PISD: variants seen among roughly 807,000 people sequenced by gnomAD.
PISD encodes phosphatidylserine decarboxylase.
A neutral mutation model predicts 43.5 loss-of-function variants in PISD; 31 were observed. The ratio of observed to expected loss-of-function variants is 0.71; its 90% confidence interval spans 0.54 to 0.96. The LOEUF (loss-of-function observed/expected upper bound fraction) is 0.96. Among genes scored for constraint, PISD ranks in the 40% least tolerant of loss-of-function variants. The pLI, the probability that PISD is intolerant of heterozygous loss-of-function variation, is 0.00. For missense variants in PISD, 523 were observed against 548.4 expected, an observed-to-expected ratio of 0.95 and a Z score of 0.46; for synonymous variants, 259 against 228.7, an observed-to-expected ratio of 1.13 and a Z score of -1.20.
chr22:31,629,364 T>A, intron 3 of PISD: 1 of 233,630 alleles, frequency 4.3e-6, no homozygotes, highest in Non-Finnish European at 6.8e-6. Flanking sequence ...AGGGTGTGTG[T>A]AGGGGGTGTG....
At chr22:31,649,673 C>A (rs2073982648) in intron 2 of PISD, among the ~76,000 whole-genome samples, 1 of 152,066 alleles carries the variant, frequency 6.6e-6, no homozygotes, top group African/African-American at 2.4e-5. Flanking sequence ...GCGGAGCTTG[C>A]AGTGAGCCGA....
At chr22:31,662,314 G>A (rs1373230030), upstream of PISD, 5 of 1,201,618 alleles carry the variant, frequency 4.2e-6, no homozygotes, top group Admixed American at 6.8e-5. Flanking sequence ...AGCGCGGGTT[G>A]GGGGCGGAGC....
chr22:31,643,509 G>C (rs2073796868), intron 3 of PISD, among the ~76,000 whole-genome samples: 1 of 152,164 alleles, frequency 6.6e-6, no homozygotes, highest in Non-Finnish European at 1.5e-5. Flanking sequence ...TAAGGTGAAA[G>C]AAACATGTGA....
rs2073129026 is a variant in PISD, at chr22:31,630,133, G to A, written c.322-8248C>T. The A allele has an allele frequency of 6.6e-6, 1 of 152,170 alleles. No individual in the cohort carries two copies. The highest frequency in any genetic ancestry group is 1.5e-5 in the Non-Finnish European group (1 of 68,078). The allele number at this position is 152,170 out of a possible 1,614,324, so 9.4% of individuals were successfully genotyped here. ...AGGCAAACTTCCCAAGTAGGAGACGGGGAAAATGGTCCTCCCTGGGCGACA... is the reference window on the plus strand; with the variant it reads ...AGGCAAACTTCCCAAGTAGGAGACGAGGAAAATGGTCCTCCCTGGGCGACA... On this transcript the variant is annotated intron_variant, in intron 3 of 7. Coordinates refer to ENST00000439502, the MANE Select transcript of PISD (RefSeq NM_001326411.2). This position sits in a 1 kb window ranked among gnomAD's most constrained non-coding sequence, Gnocchi z 4.4.
intron 3 of PISD, chr22:31,625,954 G>A (rs1016478858): frequency 1.3e-6 from 2 of 1,485,408 alleles, no homozygotes; most frequent in East Asian, 5.0e-5. Flanking sequence ...CTGGTTGGTG[G>A]CGCCGCTTCC....
chr22:31,627,271 G>A (rs1205519695), intron 3 of PISD, among the ~76,000 whole-genome samples: 2 of 152,214 alleles, frequency 1.3e-5, no homozygotes, highest in East Asian at 1.9e-4. Context: ...GCAGGAGGGC[G>A]CCTACCCACC....
chr22:31,620,809 C>T (rs757802230), intron 6 of PISD, 96 bp from the exon 7 acceptor site: 322 of 1,494,636 alleles, frequency 2.2e-4, no homozygotes, highest in Non-Finnish European at 2.8e-4. Context: ...CCTGTTGCCC[C>T]GATGTCACTC....
intron 3 of PISD, among the ~76,000 whole-genome samples, chr22:31,623,482 C>T (rs991097266): frequency 2.0e-5 from 3 of 152,236 alleles, no homozygotes; most frequent in Admixed American, 6.5e-5. Flanking sequence ...CATGCCCTCG[C>T]AGTCACCCGC....
At chr22:31,660,803 G>C (rs2074294719) in intron 1 of PISD, among the ~76,000 whole-genome samples, 1 of 152,072 alleles carries the variant, frequency 6.6e-6, no homozygotes, top group Non-Finnish European at 1.5e-5. Context: ...GCGCAGTCTT[G>C]GCTTATTGCA....
chr22:31,625,768 C>G lies in PISD; in HGVS notation c.322-3883G>C, dbSNP rs752608085. ...CGCGGTGGGCAGCATCTCACCATTT[C>G]GCCGCGCGGAGCTCTGGTCCTTGCC... On this transcript the variant is annotated intron_variant, in intron 3 of 7. Coordinates refer to ENST00000439502, the MANE Select transcript of PISD (RefSeq NM_001326411.2). 3.8e-6 allele frequency: 6 copies of G among 1,589,606 alleles called. No individual in the cohort carries two copies. Among genetic ancestry groups the G allele is most frequent in the African/African-American group, 1.3e-5 (1 of 74,582 alleles).
At chr22:31,660,619 C>T (rs1471742189) in intron 1 of PISD, among the ~76,000 whole-genome samples, 2 of 152,222 alleles carry the variant, frequency 1.3e-5, no homozygotes, top group East Asian at 3.8e-4. Flanking sequence ...CATCACACCA[C>T]TGCACTCCCT....
chr22:31,628,332 C>G (rs1245694637), intron 3 of PISD: 1 of 300,332 alleles, frequency 3.3e-6, no homozygotes, highest in African/African-American at 2.3e-5. Context: ...TGCCCTCTGC[C>G]TATGACAGCC....
chr22:31,651,743 C>T (rs539276490), intron 1 of PISD, among the ~76,000 whole-genome samples: 2 of 151,664 alleles, frequency 1.3e-5, no homozygotes, highest in East Asian at 1.9e-4. Context: ...AGCAAAACTC[C>T]GTCTCAAAAA....
chr22:31,627,517 CAG>C (rs149844315), intron 3 of PISD, among the ~76,000 whole-genome samples: 8,104 of 152,336 alleles, frequency 0.053, 264 homozygotes, highest in South Asian at 0.15. Flanking sequence ...GCCCAGGAAA[CAG>C]GGGTGATAGC....
intron 3 of PISD, among the ~76,000 whole-genome samples, chr22:31,640,592 T>C (rs865778792): frequency 0.014 from 1,941 of 142,532 alleles, 10 homozygotes; most frequent in South Asian, 0.026. Context: ...TTTTTTTTTT[T>C]TTTTTTGAGA....
At chr22:31,623,925 C>T in intron 3 of PISD, 2 of 1,391,056 alleles carry the variant, frequency 1.4e-6, no homozygotes, top group Non-Finnish European at 2.0e-6. Context: ...GCCACCTGCA[C>T]CCAGGGCAGG....
At chr22:31,637,162 AAAATATATAT>A (rs2073508779) in intron 3 of PISD, among the ~76,000 whole-genome samples, 16 of 15,462 alleles carry the variant, frequency 1.0e-3, no homozygotes, top group African/African-American at 5.6e-3. Flanking sequence ...AAAAAAAAAA[AAAATATATAT>A]ATATATATAT....
rs151145448 is a variant in PISD at position 31,641,590 on chromosome 22, A to G, written c.321+6511T>C. Among the ~76,000 whole-genome samples the G allele has an allele frequency of 9.7e-3, 1,437 of 147,500 alleles. 40 individuals carry two copies. The highest frequency in any genetic ancestry group is 0.036 in the African/African-American group (1,348 of 37,242). On this transcript the variant is annotated intron_variant, in intron 3 of 7. Coordinates refer to ENST00000439502, the MANE Select transcript of PISD (RefSeq NM_001326411.2). ...CCAGCTTTGGGAGGCTGAGGTGGGC[A>G]GATCACCTGAGGTCAAGAGTTCAAG...
chr22:31,657,545 T>C (rs919600747), intron 1 of PISD, among the ~76,000 whole-genome samples: 2 of 152,078 alleles, frequency 1.3e-5, no homozygotes, highest in Non-Finnish European at 2.9e-5. Flanking sequence ...TTTTTTGAGA[T>C]GGCATCTTGC....
Sources: allele counts gnomAD v4.1 joint callset (sites outside exome capture counted in the v4.1 genomes callset), GRCh38; gene constraint gnomAD v4.1.1; non-coding constraint Gnocchi (gnomAD v3.1); transcripts MANE v1.5; gene names NCBI Gene and HGNC (gene_info 2026-07-23, HGNC 2026-07-21).